CHSY3: variants seen among roughly 807,000 people sequenced by gnomAD.
CHSY3 encodes N-acetylgalactosaminyl-proteoglycan 3-beta-glucuronosyltransferase 3.
Under a neutral mutation model 67.2 loss-of-function variants are expected in CHSY3, and 35 were observed. The observed-to-expected ratio is 0.52, with a 90% confidence interval of 0.40 to 0.69. The LOEUF (loss-of-function observed/expected upper bound fraction) is 0.69, where lower values mean the gene tolerates loss of function less well. Among genes scored for constraint, CHSY3 ranks in the 30% least tolerant of loss-of-function variants. The probability of loss-of-function intolerance (pLI) is 0.00; values close to 1 mark genes in which losing one functional copy is unlikely to be tolerated. For missense variants in CHSY3, 1,069 were observed against 1,138.5 expected (o/e 0.94, Z 0.88); for synonymous variants, 474 against 434.7 (o/e 1.09, Z -1.12).
chr5:129,910,508 T>TA (rs1436883136), intron 2 of CHSY3, among the ~76,000 whole-genome samples: 1 of 152,024 alleles, frequency 6.6e-6, no homozygotes. Flanking sequence ...TTAATTCTAA[T>TA]AAAAAATCTC....
intron 2 of CHSY3, among the ~76,000 whole-genome samples, chr5:130,160,553 G>T (rs1769499868): frequency 6.6e-6 from 1 of 152,130 alleles, no homozygotes; most frequent in Non-Finnish European, 1.5e-5. Context: ...GTGCTTTCCT[G>T]GTGTCCTCGG....
chr5:130,089,881 A>T (rs1396052896), intron 2 of CHSY3, among the ~76,000 whole-genome samples: 2 of 152,196 alleles, frequency 1.3e-5, no homozygotes, highest in Non-Finnish European at 2.9e-5. Context: ...GCATGTGTCC[A>T]GATAACAACT....
intron 2 of CHSY3, among the ~76,000 whole-genome samples, chr5:129,972,068 T>C (rs572752864): frequency 6.6e-6 from 1 of 152,216 alleles, no homozygotes; most frequent in East Asian, 1.9e-4. Flanking sequence ...TATCAAGAGA[T>C]AGACTTTCCC....
intron 2 of CHSY3, among the ~76,000 whole-genome samples, chr5:130,085,128 G>A (rs1766571734): frequency 6.6e-6 from 1 of 151,926 alleles, no homozygotes; most frequent in Admixed American, 6.6e-5. Context: ...CCTGGCCAAG[G>A]GGGATGGTTC....
At chr5:130,038,563 G>A (rs555259899) in intron 2 of CHSY3, among the ~76,000 whole-genome samples, 1 of 152,202 alleles carries the variant, frequency 6.6e-6, no homozygotes, top group African/African-American at 2.4e-5. Context: ...GGATTGGGAA[G>A]AAAGGAAGCA....
intron 2 of CHSY3, among the ~76,000 whole-genome samples, chr5:130,076,324 T>C (rs80353921): frequency 6.6e-6 from 1 of 151,796 alleles, no homozygotes; most frequent in African/African-American, 2.4e-5. Context: ...TTTTTTTTTT[T>C]TCTCCAAAAT....
intron 2 of CHSY3, among the ~76,000 whole-genome samples, chr5:130,049,172 C>T (rs955707917): frequency 4.6e-5 from 7 of 152,068 alleles, no homozygotes; most frequent in African/African-American, 1.7e-4. Flanking sequence ...TAAACTCTCA[C>T]TTTAGAACTG....
chr5:130,115,045 A>G (rs1360843997), intron 2 of CHSY3, among the ~76,000 whole-genome samples: 2 of 152,094 alleles, frequency 1.3e-5, no homozygotes, highest in Non-Finnish European at 2.9e-5. Context: ...CTTGCAGGGC[A>G]TGATTACAAC....
chr5:130,059,642 C>A (rs1765646757), intron 2 of CHSY3, among the ~76,000 whole-genome samples: 1 of 152,174 alleles, frequency 6.6e-6, no homozygotes, highest in South Asian at 2.1e-4. Context: ...TCCCAAGTTC[C>A]AGGGATTTGA....
chr5:129,905,661 G>T, intron 1 of CHSY3, 30 bp downstream of exon 1: 1 of 1,605,120 alleles, frequency 6.2e-7, no homozygotes, highest in Non-Finnish European at 8.5e-7. Context: ...TTTCCAGCCT[G>T]CCAGTCTCCC....
In CHSY3 at chr5:129,956,994, A is replaced by G. The variant is rs1245914565; in HGVS notation, c.1086+48634A>G. On this transcript the variant is annotated intron_variant, in intron 2 of 2. Transcript: ENST00000305031. ...TTGTAAAATTGGTTTTTTTCTAGTT[A>G]TGTGAGGAATGTCATTGGTAGTTTA... Among the ~76,000 whole-genome samples, 3 of 151,958 alleles carry G rather than the reference A, an allele frequency of 2.0e-5. No individual in the cohort carries two copies. In the East Asian group the frequency reaches 5.8e-4, roughly 29 times the overall value.
intron 2 of CHSY3, among the ~76,000 whole-genome samples, chr5:130,089,638 A>T (rs532386447): frequency 6.6e-6 from 1 of 152,250 alleles, no homozygotes; most frequent in African/African-American, 2.4e-5. Context: ...AGGACTAGGC[A>T]TTGCCTGAGA....
intron 2 of CHSY3, among the ~76,000 whole-genome samples, chr5:130,076,311 C>CT (rs79134351): frequency 1.6e-3 from 225 of 141,568 alleles, no homozygotes; most frequent in East Asian, 2.7e-3. Flanking sequence ...TTTTTTCTTT[C>CT]TTTTTTTTTT....
intron 2 of CHSY3, among the ~76,000 whole-genome samples, chr5:129,919,631 G>A (rs1760851657): frequency 1.3e-5 from 2 of 152,066 alleles, no homozygotes; most frequent in African/African-American, 4.8e-5. Context: ...ACTACCATGA[G>A]AACAGTATGA....
At chr5:129,983,258 T>G (rs1763073231) in intron 2 of CHSY3, among the ~76,000 whole-genome samples, 1 of 152,102 alleles carries the variant, frequency 6.6e-6, no homozygotes, top group Admixed American at 6.5e-5. Context: ...CTCTACACTT[T>G]CAGTGTCTTG....
In CHSY3 at chr5:130,178,253, A is replaced by ATATTTT. The variant is rs1205782386; in HGVS notation, c.1087-5975_1087-5974insATTTTT. The stretch of plus-strand genomic sequence containing the variant: ...TATATATATATATATATATATATAT[A>ATATTTT]TTTTTTTTTTTTTTTTTCCTGAGAC... On this transcript the variant is annotated intron_variant, in intron 2 of 2. Transcript: ENST00000305031. Among the ~76,000 whole-genome samples the ATATTTT allele has an allele frequency of 6.5e-3, 296 of 45,880 alleles. 5 individuals are homozygous for ATATTTT. The highest frequency in any genetic ancestry group is 0.021 in the Middle Eastern group (1 of 48). The allele number at this position is 45,880 out of a possible 152,430, so 30.1% of individuals were successfully genotyped here.
intron 2 of CHSY3, among the ~76,000 whole-genome samples, chr5:130,065,917 G>T (rs934883099): frequency 6.6e-6 from 1 of 152,010 alleles, no homozygotes; most frequent in Non-Finnish European, 1.5e-5. Flanking sequence ...CAATGTCCTT[G>T]TTCATACTGC....
In CHSY3 at chr5:129,908,217, A is replaced by G. The variant is rs368190226; in HGVS notation, c.943A>G (p.Met315Val). 126 of 1,614,050 alleles carry G rather than the reference A, an allele frequency of 7.8e-5. No individual in the cohort carries two copies. Among genetic ancestry groups the G allele is most frequent in the Non-Finnish European group, 1.0e-4 (120 of 1,180,038 alleles). ...AAACTTCTGTATGGGAGGACCTGGC[A>G]TGATCTTTAGCCGAGAAGTTCTCAG... The part of the protein sequence containing the change: ...GENFCMGGPG[M>V]IFSREVLRRM... Residue 315 changes from methionine to valine, a missense_variant, in exon 2 of 3, where the codon ATG becomes GTG. Transcript: ENST00000305031.
At chr5:130,081,968 C>T (rs1007636809) in intron 2 of CHSY3, among the ~76,000 whole-genome samples, 7 of 152,016 alleles carry the variant, frequency 4.6e-5, no homozygotes, top group Non-Finnish European at 1.0e-4. Flanking sequence ...TGAATTATTG[C>T]TTGAACTAGA....
Sources: gnomAD v4.1 joint callset for allele counts (sites outside exome capture counted in the v4.1 genomes callset) on GRCh38, gnomAD v4.1.1 for gene constraint, MANE v1.5 for transcripts, NCBI Gene and HGNC (gene_info 2026-07-23, HGNC 2026-07-21) for gene names.